Variants in EDN1 observed in about 807,000 individuals in gnomAD.
EDN1 encodes the protein endothelin 1.
EDN1 carries 11 observed loss-of-function variants against 21.7 expected under a neutral mutation model. The observed-to-expected ratio is 0.51, with a 90% CI of 0.32 to 0.84. EDN1 has a LOEUF of 0.84. Ranked by LOEUF, EDN1 falls within the 40% of genes least tolerant of loss-of-function variation. The pLI, the probability that EDN1 is intolerant of heterozygous loss-of-function variation, is 0.03. For synonymous variants in EDN1, 85 were observed against 90.6 expected (o/e 0.94, Z 0.35); for missense variants, 244 against 262.3 (o/e 0.93, Z 0.48).
At chr6:12,257,690 C>T in the EDN1 span, among the ~76,000 whole-genome samples, 1 of 152,114 alleles carries the variant, frequency 6.6e-6, no homozygotes, top group Admixed American at 6.6e-5. Flanking sequence ...ACAGAATTAC[C>T]TATCTTAAGA....
chr6:12,259,268 T>A, the EDN1 span, among the ~76,000 whole-genome samples: 1 of 151,920 alleles, frequency 6.6e-6, no homozygotes, highest in African/African-American at 2.4e-5. Context: ...ACAAATATAA[T>A]GCTAGGAAAC....
intron 2 of EDN1, 21 bp from the exon 3 acceptor site, chr6:12,293,920 C>G: frequency 6.2e-7 from 1 of 1,613,762 alleles, no homozygotes; most frequent in Non-Finnish European, 8.5e-7. Flanking sequence ...AATATAGTTT[C>G]TTTCTCTCTT....
chr6:12,290,353 T>A (rs193095499), upstream of EDN1: 123 of 509,340 alleles, frequency 2.4e-4, no homozygotes, highest in Admixed American at 3.9e-4. Flanking sequence ...CAGAGAGCTG[T>A]CCAAGTCAGA....
chr6:12,253,081 C>T, the EDN1 span, among the ~76,000 whole-genome samples: 1 of 152,120 alleles, frequency 6.6e-6, no homozygotes, highest in South Asian at 2.1e-4. Context: ...GTGGCGAGGA[C>T]CATAAAATAT....
chr6:12,276,161 CAAAAAAAA>C, the EDN1 span, among the ~76,000 whole-genome samples: 7 of 68,618 alleles, frequency 1.0e-4, 1 homozygote, highest in Admixed American at 8.0e-4. Flanking sequence ...GACTCCATCT[CAAAAAAAA>C]AAAAAAAAAA....
chr6:12,269,040 T>C, the EDN1 span, among the ~76,000 whole-genome samples: 1 of 152,036 alleles, frequency 6.6e-6, no homozygotes, highest in African/African-American at 2.4e-5. Context: ...TTGTAAAGAG[T>C]TTTCACTTCC....
the EDN1 span, among the ~76,000 whole-genome samples, chr6:12,284,441 G>A: frequency 1.3e-5 from 2 of 151,864 alleles, no homozygotes; most frequent in Admixed American, 6.6e-5. Context: ...AAGCCCAGGA[G>A]GTCCAGGTTG....
At chr6:12,270,060 A>G in the EDN1 span, among the ~76,000 whole-genome samples, 1 of 151,844 alleles carries the variant, frequency 6.6e-6, no homozygotes, top group Admixed American at 6.6e-5. Flanking sequence ...AAACTTAACC[A>G]TTTCTTCTAG....
chr6:12,253,094 C>T, the EDN1 span, among the ~76,000 whole-genome samples: 6 of 152,072 alleles, frequency 3.9e-5, no homozygotes, highest in Non-Finnish European at 8.8e-5. Context: ...TAAAATATAA[C>T]CCCACACACT....
the EDN1 span, among the ~76,000 whole-genome samples, chr6:12,276,610 C>T: frequency 6.6e-6 from 1 of 152,180 alleles, no homozygotes; most frequent in South Asian, 2.1e-4. Context: ...CCAGACAAGG[C>T]TTCATAAATA....
intron 1 of EDN1, among the ~76,000 whole-genome samples, chr6:12,292,062 A>T (rs1328994015): frequency 2.0e-5 from 3 of 152,100 alleles, no homozygotes; most frequent in African/African-American, 7.2e-5. Context: ...CTGCTTCAAG[A>T]GGGGTGGGGG....
chr6:12,293,862 G>C, intron 2 of EDN1, 79 bp from the exon 3 acceptor site: 1 of 1,527,654 alleles, frequency 6.5e-7, no homozygotes. Context: ...TGTGTGCCCA[G>C]TGGAATAGGT....
At chr6:12,287,755 GGCGCGCGCGC>G (rs1279596516), upstream of EDN1, among the ~76,000 whole-genome samples, 10 of 27,450 alleles carry the variant, frequency 3.6e-4, no homozygotes, top group Non-Finnish European at 5.5e-4. Flanking sequence ...CACACACACA[GGCGCGCGCGC>G]GCGCGCGCAG....
chr6:12,252,026 C>T, the EDN1 span, among the ~76,000 whole-genome samples: 5 of 152,282 alleles, frequency 3.3e-5, no homozygotes, highest in African/African-American at 1.2e-4. Context: ...GATTCTAGAA[C>T]ATTGGGCAGC....
At chr6:12,264,711 C>A in the EDN1 span, among the ~76,000 whole-genome samples, 1 of 152,158 alleles carries the variant, frequency 6.6e-6, no homozygotes, top group Non-Finnish European at 1.5e-5. Context: ...ACATGCTGCC[C>A]ATGGGCCATG....
chr6:12,242,529 A>G, the EDN1 span, among the ~76,000 whole-genome samples: 2 of 152,298 alleles, frequency 1.3e-5, no homozygotes, highest in East Asian at 3.9e-4. Context: ...GACCTACCTT[A>G]TAAGGTTGCT....
At chr6:12,268,255 G>A in the EDN1 span, among the ~76,000 whole-genome samples, 128 of 152,210 alleles carry the variant, frequency 8.4e-4, 1 homozygote, top group Middle Eastern at 3.4e-3. Flanking sequence ...CATAGACAGC[G>A]ATTCCTCTGA....
chr6:12,269,584 T>A, the EDN1 span, among the ~76,000 whole-genome samples: 1 of 152,076 alleles, frequency 6.6e-6, no homozygotes, highest in African/African-American at 2.4e-5. Flanking sequence ...GATTATATGG[T>A]TTTTGTCCTT....
the EDN1 span, among the ~76,000 whole-genome samples, chr6:12,259,698 A>G: frequency 6.6e-6 from 1 of 152,110 alleles, no homozygotes; most frequent in African/African-American, 2.4e-5. Flanking sequence ...CTGAAAGAAA[A>G]GGAAAGATAG....
Sources: allele counts gnomAD v4.1 joint callset (sites outside exome capture counted in the v4.1 genomes callset), GRCh38; gene constraint gnomAD v4.1.1; transcripts MANE v1.5; gene names NCBI Gene and HGNC (gene_info 2026-07-23, HGNC 2026-07-21).